Variants in SV2C observed in about 807,000 individuals in gnomAD.
SV2C encodes solute carrier family 22 member B3.
In SV2C, 49 loss-of-function variants were observed where a neutral mutation model predicts 79.7. The ratio of observed to expected loss-of-function variants is 0.61; its 90% CI spans 0.49 to 0.78. The LOEUF is 0.78. Ranked by LOEUF, SV2C falls within the 30% of genes least tolerant of loss-of-function variation. The probability of loss-of-function intolerance (pLI) is 0.00; values close to 1 mark genes in which losing one functional copy is unlikely to be tolerated. For missense variants in SV2C, 833 were observed against 912.9 expected, an observed-to-expected ratio of 0.91 and a Z score of 1.13; for synonymous variants, 334 against 333.2, an observed-to-expected ratio of 1.00 and a Z score of -0.03.
the SV2C span, among the ~76,000 whole-genome samples, chr5:76,009,590 T>A: frequency 6.6e-6 from 1 of 152,160 alleles, no homozygotes; most frequent in Admixed American, 6.5e-5. Context: ...ATGAGAAGAA[T>A]GAAATGTCCT....
the SV2C span, among the ~76,000 whole-genome samples, chr5:75,899,675 C>A: frequency 6.6e-6 from 1 of 152,102 alleles, no homozygotes; most frequent in Non-Finnish European, 1.5e-5. Context: ...GTGTTAAAGT[C>A]TCCCATTATT....
At chr5:76,175,611 C>T (rs1306081803) in intron 2 of SV2C, among the ~76,000 whole-genome samples, 1 of 152,186 alleles carries the variant, frequency 6.6e-6, no homozygotes, top group East Asian at 1.9e-4. Flanking sequence ...TGATGAGATA[C>T]TTTTAACACG....
chr5:75,947,905 A>C, the SV2C span, among the ~76,000 whole-genome samples: 1 of 151,864 alleles, frequency 6.6e-6, no homozygotes, highest in Admixed American at 6.6e-5. Context: ...TTTTTTTAAA[A>C]TCAAGAGTAG....
chr5:76,079,376 T>A (rs948944729), upstream of SV2C: 1 of 282,594 alleles, frequency 3.5e-6, no homozygotes, highest in Non-Finnish European at 6.6e-6. Context: ...GCAAAAAACA[T>A]GTGGTGATGT....
At chr5:76,173,536 T>A in intron 2 of SV2C, 2 of 1,245,138 alleles carry the variant, frequency 1.6e-6, no homozygotes, top group Non-Finnish European at 2.4e-6. Flanking sequence ...CCATTTAAGA[T>A]GTTGGTAGGT....
chr5:75,873,666 A>G, the SV2C span, among the ~76,000 whole-genome samples: 1 of 152,172 alleles, frequency 6.6e-6, no homozygotes, highest in Non-Finnish European at 1.5e-5. Flanking sequence ...ATTACAGGAA[A>G]CATTACGTCT....
intron 12 of SV2C, among the ~76,000 whole-genome samples, chr5:76,316,630 C>G (rs1748630265): frequency 6.6e-6 from 1 of 152,074 alleles, no homozygotes; most frequent in African/African-American, 2.4e-5. Flanking sequence ...CCGTTTAGCC[C>G]TCAAGAAGCC....
chr5:75,861,899 C>G, the SV2C span, among the ~76,000 whole-genome samples: 5 of 152,176 alleles, frequency 3.3e-5, no homozygotes, highest in East Asian at 9.6e-4. Context: ...AGTTCAATCA[C>G]ACCCCAGACT....
At chr5:76,135,209 A>C (rs530790993) in intron 2 of SV2C, among the ~76,000 whole-genome samples, 41 of 152,338 alleles carry the variant, frequency 2.7e-4, no homozygotes, top group South Asian at 6.2e-4. Context: ...GGTAAGGCAG[A>C]ATATAGATTT....
the SV2C span, among the ~76,000 whole-genome samples, chr5:75,860,077 C>T: frequency 6.6e-6 from 1 of 152,042 alleles, no homozygotes; most frequent in Non-Finnish European, 1.5e-5. Flanking sequence ...CTCGGGGTAC[C>T]CACCAGGTGG....
intron 2 of SV2C, among the ~76,000 whole-genome samples, chr5:76,178,747 C>T (rs1034614956): frequency 6.6e-6 from 1 of 152,162 alleles, no homozygotes; most frequent in Non-Finnish European, 1.5e-5. Context: ...TGGAAACTGT[C>T]TCATGGAGCC....
downstream of SV2C, among the ~76,000 whole-genome samples, chr5:76,338,412 A>G (rs1165784058): frequency 6.6e-6 from 1 of 152,254 alleles, no homozygotes; most frequent in Non-Finnish European, 1.5e-5. Context: ...ATTTCCAAGG[A>G]AACTGCATCA....
chr5:76,033,550 A>G, the SV2C span, among the ~76,000 whole-genome samples: 1 of 152,208 alleles, frequency 6.6e-6, no homozygotes, highest in African/African-American at 2.4e-5. Context: ...CAAAGATCAG[A>G]TAGTTGTAGA....
the SV2C span, among the ~76,000 whole-genome samples, chr5:75,997,296 A>G: frequency 8.5e-5 from 13 of 152,254 alleles, no homozygotes; most frequent in African/African-American, 2.9e-4. Context: ...CTTCATGTCT[A>G]CAACACCAAA....
At chr5:76,323,546 A>AAT (rs2112563597) in intron 12 of SV2C, among the ~76,000 whole-genome samples, 1 of 152,372 alleles carries the variant, frequency 6.6e-6, no homozygotes, top group African/African-American at 2.4e-5. Flanking sequence ...GTATGTACCC[A>AAT]AAGGAATATA....
chr5:75,857,989 C>T, the SV2C span, among the ~76,000 whole-genome samples: 1 of 152,122 alleles, frequency 6.6e-6, no homozygotes, highest in Non-Finnish European at 1.5e-5. Flanking sequence ...TTAATTAGTT[C>T]TAATAGTTCT....
chr5:75,883,806 G>T, the SV2C span, among the ~76,000 whole-genome samples: 2 of 150,558 alleles, frequency 1.3e-5, no homozygotes, highest in African/African-American at 4.9e-5. Context: ...CCTGCACATT[G>T]TGCACATGTA....
the SV2C span, among the ~76,000 whole-genome samples, chr5:76,010,618 A>G: frequency 6.6e-6 from 1 of 152,158 alleles, no homozygotes; most frequent in African/African-American, 2.4e-5. Context: ...GATCAGTTTA[A>G]GTTATTCCAA....
the SV2C span, among the ~76,000 whole-genome samples, chr5:76,023,696 A>G: frequency 1.5e-5 from 2 of 132,514 alleles, no homozygotes; most frequent in African/African-American, 3.0e-5. Flanking sequence ...ATATATATAT[A>G]TATGTATGTA....
Sources: allele counts gnomAD v4.1 joint callset (sites outside exome capture counted in the v4.1 genomes callset), GRCh38; gene constraint gnomAD v4.1.1; transcripts MANE v1.5; gene names NCBI Gene and HGNC (gene_info 2026-07-23, HGNC 2026-07-21).